CBLN1: variants seen among roughly 807,000 people sequenced by gnomAD.
CBLN1 encodes cerebellin 1 precursor.
Under a neutral mutation model 15.9 loss-of-function variants are expected in CBLN1, and 5 were observed. The observed-to-expected ratio is 0.31, with a 90% CI of 0.16 to 0.66. CBLN1 has a LOEUF of 0.66. Ranked by LOEUF, CBLN1 falls within the 30% of genes least tolerant of loss-of-function variation. The pLI is 0.75. For synonymous variants in CBLN1, 90 were observed against 107.6 expected (o/e 0.84, Z 1.01); for missense variants, 164 against 253.7 (o/e 0.65, Z 2.40).
chr16:49,279,997 C>A (rs941188899), intron 2 of CBLN1, among the ~76,000 whole-genome samples: 5 of 152,104 alleles, frequency 3.3e-5, no homozygotes, highest in Admixed American at 6.5e-5. Flanking sequence ...ACAAAAAAAA[C>A]CCAGCAACTC....
chr16:49,281,582 G>T lies in CBLN1; in HGVS notation c.-117C>A. ...CAGCTCCGTGCGCAGCTCCGCCGCC[G>T]CCGCTCTGGACACTACACCTCTTCC... On this transcript the variant is annotated 5_prime_UTR_variant, in exon 1 of 3. Coordinates refer to ENST00000219197, the MANE Select transcript of CBLN1 (RefSeq NM_004352.4). 1 of 614,752 alleles carries T rather than the reference G, an allele frequency of 1.6e-6. No individual in the cohort carries two copies. Among genetic ancestry groups the T allele is most frequent in the South Asian group, 4.4e-5 (1 of 22,688 alleles). The allele number at this position is 614,752 out of a possible 1,614,324, so 38.1% of individuals were successfully genotyped here. A position where few individuals can be genotyped will look rare whatever the true frequency, so the allele number is the denominator to read the frequency against.
chr16:49,279,632 G>T, intron 2 of CBLN1, 31 bp from the exon 3 acceptor site: 1 of 1,601,068 alleles, frequency 6.2e-7, no homozygotes, highest in Non-Finnish European at 8.5e-7. Flanking sequence ...CTTCAGAGGC[G>T]CAACCTAGGC....
At position 49,281,767 on chromosome 16, in the gene CBLN1, A is replaced by C. The variant is rs878936396; in HGVS notation, c.-302T>G. 83 of 256,964 alleles carry C rather than the reference A, an allele frequency of 3.2e-4. No individual in the cohort carries two copies. Among genetic ancestry groups the C allele is most frequent in the East Asian group, 4.6e-4 (7 of 15,134 alleles). 15.9% of individuals were successfully genotyped at this position (256,964 alleles called of 1,614,324 possible). A position where few individuals can be genotyped will look rare whatever the true frequency, so the allele number is the denominator to read the frequency against. On this transcript the variant is annotated 5_prime_UTR_variant, in exon 1 of 3. Transcript: ENST00000219197. ...GCTGCTGCCGCCGCCTCCTGCCCGC[A>C]CCCGCCGCTGCCGCCGCCGCCGCCG...
Position 49,279,077 on chromosome 16 carries a change from C to G in CBLN1, c.*327G>C, listed in dbSNP as rs926658640. On this transcript the variant is annotated 3_prime_UTR_variant, in exon 3 of 3. Transcript: ENST00000219197. ...GATTATGTAGTGAAATACAAAGTTTCTTTAAATAAATTGCAGGGAACATGA... is the reference window on the plus strand; with the variant it reads ...GATTATGTAGTGAAATACAAAGTTTGTTTAAATAAATTGCAGGGAACATGA... The G allele has an allele frequency of 2.4e-5, 8 of 334,088 alleles. 1 individual carries two copies. In the South Asian group the frequency reaches 3.6e-4, roughly 15 times the overall value. The allele number at this position is 334,088 out of a possible 1,614,324, so 20.7% of individuals were successfully genotyped here.
chr16:49,280,002 C>A (rs1963242263), intron 2 of CBLN1, among the ~76,000 whole-genome samples: 1 of 152,132 alleles, frequency 6.6e-6, no homozygotes, highest in Non-Finnish European at 1.5e-5. Flanking sequence ...AAAAACCCAG[C>A]AACTCAGGCT....
In CBLN1 at chr16:49,281,013, A is replaced by C; in HGVS notation, c.294T>G (p.Asp98Glu). 1 of 1,614,212 alleles carries C rather than the reference A, an allele frequency of 6.2e-7. No individual in the cohort carries two copies. The change falls in exon 2 of 3, where the codon GAT (aspartate) becomes GAG (glutamate). Residue 98 changes from aspartate to glutamate, a missense_variant. Around this residue, in one of 3 missense-constraint regions of CBLN1, gnomAD observed 127 missense variants for 179.7 expected, o/e 0.71. Transcript: ENST00000219197. ...GGGCGATGAAAGTGCTGCGTTCTGA[A>C]TCAAAGTTGTTCCCAATGTTCACTA... ...QVLVNIGNNF[D>E]SERSTFIAPR... is the part of the protein sequence containing the mutation.
In CBLN1 at chr16:49,278,745, T is replaced by C. The variant is rs1009937519; in HGVS notation, c.*659A>G. The C allele has an allele frequency of 6.6e-6, 1 of 152,242 alleles. No homozygotes were observed. The highest frequency in any genetic ancestry group is 1.5e-5 in the Non-Finnish European group (1 of 68,066). 9.4% of individuals were successfully genotyped at this position (152,242 alleles called of 1,614,324 possible). A position where few individuals can be genotyped will look rare whatever the true frequency, so the allele number is the denominator to read the frequency against. On this transcript the variant is annotated 3_prime_UTR_variant, in exon 3 of 3. Transcript: ENST00000219197. ...ATACGGAAACACAGCCAGTTTCCAC[T>C]GGGAAGAGTTCTTCGTATACAAATG...
rs752628705 is a variant in CBLN1, at chr16:49,281,494, A to G, written c.-29T>C. 3.9e-3 allele frequency: 2,566 copies of G among 659,474 alleles called. 44 individuals are homozygous for G. The African/African-American group carries it at 0.082, about 21-fold the overall frequency. The allele number at this position is 659,474 out of a possible 1,614,324, so 40.9% of individuals were successfully genotyped here. On this transcript the variant is annotated 5_prime_UTR_variant, in exon 1 of 3. Transcript: ENST00000219197. ...GCCGCCGGCGCCCACCCCGCCCCCC[A>G]CCCCCAGGGCTGCTCGCGCCAGCCG...
At chr16:49,280,890 G>A (rs757659587) in intron 2 of CBLN1, 33 bp downstream of exon 2, 1 of 1,613,840 alleles carries the variant, frequency 6.2e-7, no homozygotes, top group Non-Finnish European at 8.5e-7. Context: ...ACCCCCCTAC[G>A]GGGCCAGGGC....
chr16:49,279,397 G>A lies in CBLN1; in HGVS notation c.*7C>T, dbSNP rs747463472. The A allele has an allele frequency of 5.0e-6, 8 of 1,613,616 alleles. No homozygotes were observed. In the Admixed American group the frequency reaches 8.3e-5, roughly 17 times the overall value. The stretch of plus-strand genomic sequence containing the variant: ...CTCTCCCTGCCTCCCTTCCGGCTAC[G>A]AGCCAGTCAGAGAGGAAACACCAGG... On this transcript the variant is annotated 3_prime_UTR_variant, in exon 3 of 3. Coordinates refer to ENST00000219197, the MANE Select transcript of CBLN1 (RefSeq NM_004352.4).
At chr16:49,279,924 C>G (rs565250127) in intron 2 of CBLN1, among the ~76,000 whole-genome samples, 1 of 152,294 alleles carries the variant, frequency 6.6e-6, no homozygotes, top group East Asian at 1.9e-4. Context: ...TGAGGTGGCT[C>G]TAGCGCCCTG....
chr16:49,280,165 G>T (rs1291524222), intron 2 of CBLN1, among the ~76,000 whole-genome samples: 1 of 152,078 alleles, frequency 6.6e-6, no homozygotes. Flanking sequence ...CCCAAACCAC[G>T]GGCTCAATTC....
chr16:49,279,900 A>G (rs1596798102), intron 2 of CBLN1, among the ~76,000 whole-genome samples: 1 of 152,092 alleles, frequency 6.6e-6, no homozygotes, highest in African/African-American at 2.4e-5. Context: ...CTGTGATCCA[A>G]TTTAATAAAC....
At chr16:49,280,822 T>G (rs1384343123) in intron 2 of CBLN1, 101 bp downstream of exon 2, 1 of 1,358,656 alleles carries the variant, frequency 7.4e-7, no homozygotes, top group Non-Finnish European at 1.0e-6. Context: ...CCGAAGTACA[T>G]GCAGCCGCCA....
intron 1 of CBLN1, 22 bp from the exon 2 acceptor site, chr16:49,281,064 G>A: frequency 6.2e-7 from 1 of 1,614,268 alleles, no homozygotes; most frequent in African/African-American, 1.3e-5. Flanking sequence ...CGGGAACGAA[G>A]GGGAGTGGGC....
At position 49,281,077 on chromosome 16, in the gene CBLN1, G is replaced by A. The variant is rs370715977; in HGVS notation, c.265-35C>T. On this transcript the variant is annotated intron_variant, in intron 1 of 2. Coordinates refer to ENST00000219197, the MANE Select transcript of CBLN1 (RefSeq NM_004352.4). ...GACGGGAACGAAGGGGAGTGGGCAG[G>A]AATCGGTCCCGGACTGTCGTCCCCG... 1.9e-6 allele frequency: 3 copies of A among 1,614,100 alleles called. No individual in the cohort carries two copies. In the African/African-American group the frequency reaches 4.0e-5, roughly 22 times the overall value.
chr16:49,279,563 G>A lies in CBLN1; in HGVS notation c.423C>T (p.Ala141=). ...GGGTCACGTCCTGGTCACCAGCGAAGGCTGAAATCACCGGCCACCCGTTTA... is the reference window on the plus strand; with the variant it reads ...GGGTCACGTCCTGGTCACCAGCGAAAGCTGAAATCACCGGCCACCCGTTTA... The part of the protein sequence containing the change: ...LMLNGWPVIS[A]FAGDQDVTRE... The change falls in exon 3 of 3, where the codon GCC becomes GCT. Residue 141 remains alanine, a synonymous_variant. Transcript: ENST00000219197. The A allele has an allele frequency of 3.1e-6, 5 of 1,614,224 alleles. No homozygotes were observed. Among genetic ancestry groups the A allele is most frequent in the Non-Finnish European group, 3.4e-6 (4 of 1,180,048 alleles).
In CBLN1 at chr16:49,279,237, G is replaced by A; in HGVS notation, c.*167C>T. On this transcript the variant is annotated 3_prime_UTR_variant, in exon 3 of 3. Transcript: ENST00000219197. ...ATTTATTTCTCCTAATAAGGAAATG[G>A]ACAAAGTTGTCCCACAGCTGGCGCG... 1.6e-6 allele frequency: 1 copy of A among 642,910 alleles called. No homozygotes were observed. The highest frequency in any genetic ancestry group is 2.7e-6 in the Non-Finnish European group (1 of 370,716). The allele number at this position is 642,910 out of a possible 1,614,324, so 39.8% of individuals were successfully genotyped here. A position where few individuals can be genotyped will look rare whatever the true frequency, so the allele number is the denominator to read the frequency against.
At chr16:49,280,801 C>T in intron 2 of CBLN1, 122 bp downstream of exon 2, 1 of 1,099,908 alleles carries the variant, frequency 9.1e-7, no homozygotes, top group South Asian at 1.4e-5. Context: ...CTATCTGTCC[C>T]TCCAAGCAGC....
Sources: allele counts gnomAD v4.1 joint callset (sites outside exome capture counted in the v4.1 genomes callset), GRCh38; gene constraint gnomAD v4.1.1; regional missense constraint gnomAD v4.1.1; transcripts MANE v1.5; gene names NCBI Gene and HGNC (gene_info 2026-07-23, HGNC 2026-07-21).